PRP4K: variants seen among roughly 807,000 people sequenced by gnomAD.
The protein encoded by PRP4K is pre-mRNA processing factor kinase PRP4K.
At chr6:4,034,959 C>T in the PRP4K span, among the ~76,000 whole-genome samples, 2 of 152,134 alleles carry the variant, frequency 1.3e-5, no homozygotes, top group South Asian at 2.1e-4. Flanking sequence ...GATCCGCCCA[C>T]CTCGGCCTCC....
the PRP4K span, among the ~76,000 whole-genome samples, chr6:4,042,722 A>G: frequency 6.6e-6 from 1 of 152,194 alleles, no homozygotes; most frequent in Non-Finnish European, 1.5e-5. Context: ...ATCTTTTTTT[A>G]GTTACTAAAA....
the PRP4K span, among the ~76,000 whole-genome samples, chr6:4,024,932 C>T: frequency 2.4e-4 from 36 of 152,212 alleles, no homozygotes; most frequent in Admixed American, 9.2e-4. Context: ...AGGCGTTCCA[C>T]GATTTTCATT....
chr6:4,025,103 A>T, the PRP4K span, among the ~76,000 whole-genome samples: 2 of 152,250 alleles, frequency 1.3e-5, no homozygotes, highest in African/African-American at 4.8e-5. Flanking sequence ...ATAGGTTCTC[A>T]ATAAATATTT....
At chr6:4,042,428 A>G in the PRP4K span, 1 of 1,322,064 alleles carries the variant, frequency 7.6e-7, no homozygotes, top group Admixed American at 2.3e-5. Context: ...CTTTAACTTT[A>G]AAATGTATAA....
At chr6:4,062,959 A>C in the PRP4K span, 1 of 152,522 alleles carries the variant, frequency 6.6e-6, no homozygotes, top group East Asian at 1.9e-4. This position sits in a 1 kb window ranked among gnomAD's most constrained non-coding sequence, Gnocchi z 4.2. Flanking sequence ...TTATGGCTTC[A>C]TTTTATGTAA....
chr6:4,030,222 C>T, the PRP4K span, among the ~76,000 whole-genome samples: 4 of 152,268 alleles, frequency 2.6e-5, no homozygotes, highest in South Asian at 2.1e-4. Flanking sequence ...GGATTACAGA[C>T]GTGAGCCACC....
the PRP4K span, chr6:4,041,041 G>A: frequency 8.7e-7 from 1 of 1,143,592 alleles, no homozygotes; most frequent in Non-Finnish European, 1.2e-6. Context: ...CATTAATTTG[G>A]CTCTGAATTT....
the PRP4K span, among the ~76,000 whole-genome samples, chr6:4,054,258 A>C: frequency 6.6e-6 from 1 of 152,096 alleles, no homozygotes; most frequent in Admixed American, 6.5e-5. Flanking sequence ...TTTTTTTTTA[A>C]TCAATAACTA....
At chr6:4,047,901 TACACACACACACACACACAC>T in the PRP4K span, among the ~76,000 whole-genome samples, 51 of 142,116 alleles carry the variant, frequency 3.6e-4, 1 homozygote, top group Middle Eastern at 3.5e-3. Flanking sequence ...CATGTATATG[TACACACACACACACACACAC>T]ACACACACAC....
the PRP4K span, chr6:4,049,778 C>G: frequency 6.2e-7 from 1 of 1,613,472 alleles, no homozygotes; most frequent in Non-Finnish European, 8.5e-7. Flanking sequence ...ATGTGTATGG[C>G]TACACTGGGC....
the PRP4K span, among the ~76,000 whole-genome samples, chr6:4,022,024 ACCT>A: frequency 5.3e-5 from 8 of 152,006 alleles, no homozygotes; most frequent in Non-Finnish European, 1.2e-4. Context: ...TGATCTCGTC[ACCT>A]TGTACTCTTT....
At chr6:4,035,088 T>TAC in the PRP4K span, among the ~76,000 whole-genome samples, 1 of 151,920 alleles carries the variant, frequency 6.6e-6, no homozygotes, top group Admixed American at 6.6e-5. Context: ...TACATATATA[T>TAC]ACACATATAT....
chr6:4,058,631 A>T, the PRP4K span: 1 of 915,640 alleles, frequency 1.1e-6, no homozygotes, highest in Non-Finnish European at 1.7e-6. Context: ...TACAGAGACT[A>T]AATAACATAC....
At chr6:4,048,888 A>G in the PRP4K span, 2 of 579,020 alleles carry the variant, frequency 3.5e-6, no homozygotes, top group Non-Finnish European at 5.8e-6. Context: ...TGATAGTAAG[A>G]ATTTATTTAA....
the PRP4K span, among the ~76,000 whole-genome samples, chr6:4,046,144 G>C: frequency 1.3e-5 from 2 of 152,200 alleles, no homozygotes; most frequent in Non-Finnish European, 2.9e-5. Flanking sequence ...TGTGTTTTAC[G>C]ATAGTTCCCT....
At chr6:4,032,982 T>G in the PRP4K span, among the ~76,000 whole-genome samples, 1 of 152,244 alleles carries the variant, frequency 6.6e-6, no homozygotes, top group Non-Finnish European at 1.5e-5. Context: ...CTGAGCTTGA[T>G]GATAGAATTG....
chr6:4,030,404 T>A, the PRP4K span, among the ~76,000 whole-genome samples: 1 of 152,176 alleles, frequency 6.6e-6, no homozygotes, highest in Non-Finnish European at 1.5e-5. Flanking sequence ...GACAAAATAA[T>A]CCATAGCTTC....
chr6:4,063,662 A>G, the PRP4K span: 1 of 152,088 alleles, frequency 6.6e-6, no homozygotes, highest in Non-Finnish European at 1.5e-5. Flanking sequence ...CCAATTTAGC[A>G]TATCTAGACT....
the PRP4K span, among the ~76,000 whole-genome samples, chr6:4,038,097 A>G: frequency 1.3e-5 from 2 of 152,318 alleles, no homozygotes; most frequent in Middle Eastern, 3.4e-3. Context: ...ATATTTTAAT[A>G]TAAAACATAA....
Sources: allele counts gnomAD v4.1 joint callset (sites outside exome capture counted in the v4.1 genomes callset), GRCh38; gene constraint gnomAD v4.1.1; non-coding constraint Gnocchi (gnomAD v3.1); transcripts MANE v1.5; gene names NCBI Gene and HGNC (gene_info 2026-07-23, HGNC 2026-07-21).